Variants in CEP350 observed in about 807,000 individuals in gnomAD.
CEP350 encodes the protein centrosome-associated protein 350.
In CEP350, 126 loss-of-function variants were observed where a neutral mutation model predicts 331.8. The observed-to-expected ratio is 0.38, with a 90% CI of 0.33 to 0.44. The LOEUF is 0.44. Ranked by LOEUF, CEP350 falls within the 20% of genes least tolerant of loss-of-function variation. CEP350 has a pLI of 1.00. For missense variants in CEP350, 3,406 were observed against 3,634.6 expected (o/e 0.94, Z 1.62); for synonymous variants, 1,200 against 1,259.5 (o/e 0.95, Z 1.00).
Position 180,114,575 on chromosome 1 carries a change from G to C in CEP350, c.*3414G>C, listed in dbSNP as rs1184040440. ...CTTCTGGACTTTGCAAAGCCTTCTT[G>C]GCAAACACATTGCAAAGCATTCTCT... On this transcript the variant is annotated 3_prime_UTR_variant, in exon 38 of 38. Transcript: ENST00000367607. The C allele has an allele frequency of 6.6e-6, 1 of 152,570 alleles. No individual in the cohort carries two copies. The highest frequency in any genetic ancestry group is 6.5e-5 in the Admixed American group (1 of 15,276). 9.5% of individuals were successfully genotyped at this position (152,570 alleles called of 1,614,324 possible). A position where few individuals can be genotyped will look rare whatever the true frequency, so the allele number is the denominator to read the frequency against.
At chr1:179,991,947 T>C in intron 4 of CEP350, 115 bp from the exon 5 acceptor site, 1 of 977,104 alleles carries the variant, frequency 1.0e-6, no homozygotes, top group Non-Finnish European at 1.4e-6. Flanking sequence ...ATAACTTATA[T>C]AATATCCAAC....
At chr1:180,110,883 C>A in intron 37 of CEP350, 114 bp from the exon 38 acceptor site, 1 of 894,974 alleles carries the variant, frequency 1.1e-6, no homozygotes, top group Non-Finnish European at 1.7e-6. Flanking sequence ...TCTTTTTTCT[C>A]TGGTTTATTT....
chr1:179,974,046 T>G (rs1027201352), intron 1 of CEP350, among the ~76,000 whole-genome samples: 9 of 140,262 alleles, frequency 6.4e-5, no homozygotes, highest in Admixed American at 4.3e-4. Flanking sequence ...TTTTTTTCTG[T>G]TTTTTTTTTG....
At chr1:180,055,935 GTAAA>G (rs1189288022) in intron 25 of CEP350, among the ~76,000 whole-genome samples, 1 of 151,944 alleles carries the variant, frequency 6.6e-6, no homozygotes, top group East Asian at 1.9e-4. Context: ...GTTAAAATAA[GTAAA>G]TAACTTTCTA....
At chr1:180,038,465 A>G (rs1055723526) in intron 17 of CEP350, among the ~76,000 whole-genome samples, 2 of 152,214 alleles carry the variant, frequency 1.3e-5, no homozygotes, top group African/African-American at 4.8e-5. Flanking sequence ...ACTGCCATAC[A>G]GTTTTCCAGA....
At chr1:180,004,305 A>G (rs1318042474) in intron 7 of CEP350, among the ~76,000 whole-genome samples, 2 of 152,220 alleles carry the variant, frequency 1.3e-5, no homozygotes, top group African/African-American at 4.8e-5. Flanking sequence ...TAGATGAACT[A>G]TGATGTTCCT....
At position 180,006,553 on chromosome 1, in the gene CEP350, C is replaced by T. The variant is rs576762275; in HGVS notation, c.1232C>T (p.Thr411Ile). The T allele has an allele frequency of 1.6e-5, 24 of 1,508,130 alleles. No homozygotes were observed. The African/African-American group carries it at 1.9e-4, about 12-fold the overall frequency. The allele number at this position is 1,508,130 out of a possible 1,614,324, so 93.4% of individuals were successfully genotyped here. A position where few individuals can be genotyped will look rare whatever the true frequency, so the allele number is the denominator to read the frequency against. ...KVQKVAQLSS[T>I]ECRTGSSHLI... is the part of the protein sequence containing the mutation. ...CAAAAAGTAGCACAGTTATCAAGTA[C>T]AGAATGCAGAACAGGTTAGTTTTCT... The change falls in exon 8 of 38, where the codon ACA (threonine) becomes ATA (isoleucine). Residue 411 changes from threonine (T) to isoleucine (I), a missense_variant. By Grantham distance (89) the Thr-to-Ile change is moderately conservative. Transcript: ENST00000367607.
intron 1 of CEP350, chr1:179,969,362 G>A: frequency 1.9e-6 from 1 of 516,068 alleles, no homozygotes; most frequent in South Asian, 1.4e-5. Flanking sequence ...TACTCAGCCT[G>A]AGGTTGCAGA....
chr1:180,084,698 A>G (rs1046957497), intron 31 of CEP350, among the ~76,000 whole-genome samples: 1 of 152,126 alleles, frequency 6.6e-6, no homozygotes, highest in Admixed American at 6.5e-5. Flanking sequence ...TATTAAAATA[A>G]CAAGTATTAA....
intron 36 of CEP350, among the ~76,000 whole-genome samples, chr1:180,097,124 G>A (rs1660526376): frequency 6.6e-6 from 1 of 152,236 alleles, no homozygotes; most frequent in Non-Finnish European, 1.5e-5. Flanking sequence ...GAGATGGGAT[G>A]TATGCTTACC....
chr1:180,094,697 T>G, intron 34 of CEP350, 81 bp downstream of exon 34: 1 of 1,412,688 alleles, frequency 7.1e-7, no homozygotes, highest in Non-Finnish European at 9.5e-7. Flanking sequence ...ATATAGTACA[T>G]TTTAATTCTG....
At chr1:179,989,111 T>C (rs766329975) in intron 3 of CEP350, among the ~76,000 whole-genome samples, 2 of 152,116 alleles carry the variant, frequency 1.3e-5, no homozygotes, top group Non-Finnish European at 2.9e-5. Context: ...GTAGAACTAT[T>C]AATATATCAT....
At chr1:179,965,615 C>CTTTTTTTTTTTTTTTTTT (rs747027286) in intron 1 of CEP350, among the ~76,000 whole-genome samples, 44 of 84,382 alleles carry the variant, frequency 5.2e-4, no homozygotes, top group African/African-American at 8.0e-4. Context: ...TTTTTCTTTT[C>CTTTTTTTTTTTTTTTTTT]TTTTTTTTTT....
intron 1 of CEP350, chr1:179,969,407 A>G (rs1019670009): frequency 9.8e-6 from 5 of 511,734 alleles, no homozygotes; most frequent in African/African-American, 5.8e-5. Context: ...CTCTGTGCCT[A>G]TTCAGCAGTT....
intron 1 of CEP350, among the ~76,000 whole-genome samples, chr1:179,966,470 C>G (rs1182227914): frequency 1.3e-5 from 2 of 152,092 alleles, no homozygotes; most frequent in Non-Finnish European, 2.9e-5. Flanking sequence ...GTACTCAGGT[C>G]TTCAGAAATT....
chr1:180,091,155 A>C (rs1341129967), intron 33 of CEP350, among the ~76,000 whole-genome samples: 2 of 151,376 alleles, frequency 1.3e-5, no homozygotes, highest in Non-Finnish European at 2.9e-5. Context: ...CCAGGATCAC[A>C]GGCACATGCC....
At chr1:180,056,359 G>A (rs750827443) in intron 25 of CEP350, among the ~76,000 whole-genome samples, 14 of 151,394 alleles carry the variant, frequency 9.2e-5, no homozygotes, top group Admixed American at 4.6e-4. Context: ...TGTAGGCGTG[G>A]TTTCCTTTGT....
At chr1:179,961,005 A>G (rs1291276920) in intron 1 of CEP350, among the ~76,000 whole-genome samples, 4 of 151,656 alleles carry the variant, frequency 2.6e-5, no homozygotes, top group African/African-American at 9.7e-5. Context: ...ACCTATATAT[A>G]TTTTCCATGT....
rs552219839 is a variant in CEP350 at position 180,093,155 on chromosome 1, T to A, written c.7050T>A (p.Ile2350=). ...CAAACATCCAATCAGGAAAAGACAT[T>A]CACGAACAAAAGAACACAAAGGAAA... ...HSPNIQSGKD[I]HEQKNTKEKD... Residue 2350 remains isoleucine, a synonymous_variant, in exon 34 of 38, where the codon ATT becomes ATA. Coordinates refer to ENST00000367607, the MANE Select transcript of CEP350 (RefSeq NM_014810.5). The A allele has an allele frequency of 3.1e-6, 5 of 1,599,496 alleles. No homozygotes were observed. The highest frequency in any genetic ancestry group is 2.7e-5 in the African/African-American group (2 of 74,874).
Sources: allele counts gnomAD v4.1 joint callset (sites outside exome capture counted in the v4.1 genomes callset), GRCh38; gene constraint gnomAD v4.1.1; transcripts MANE v1.5; gene names NCBI Gene and HGNC (gene_info 2026-07-23, HGNC 2026-07-21).